Variants in LRRC53 observed in about 807,000 individuals in gnomAD.
LRRC53 encodes leucine-rich repeat-containing protein 53.
A neutral mutation model predicts 13.6 loss-of-function variants in LRRC53; 25 were observed. The ratio of observed to expected loss-of-function variants is 1.83; its 90% CI spans 1.34 to 2.56. LRRC53 has a LOEUF of 2.56. Ranked by LOEUF, LRRC53 falls within the 30% of genes most tolerant of loss-of-function variation. The pLI is 0.00. For missense variants in LRRC53, 527 were observed against 275.8 expected (o/e 1.91, Z -6.45); for synonymous variants, 204 against 109.8 (o/e 1.86, Z -5.37).
At chr1:74,493,587 A>G (rs973574026) in intron 1 of LRRC53, among the ~76,000 whole-genome samples, 4 of 152,204 alleles carry the variant, frequency 2.6e-5, no homozygotes, top group Non-Finnish European at 5.9e-5. Flanking sequence ...AACCCATCCC[A>G]GAATTCAGGG....
At chr1:74,515,518 T>C (rs1646336979), upstream of LRRC53, among the ~76,000 whole-genome samples, 1 of 152,212 alleles carries the variant, frequency 6.6e-6, no homozygotes, top group South Asian at 2.1e-4. Flanking sequence ...GTTTCTCTGA[T>C]GGTTGCTGTT....
At chr1:74,534,351 C>T in the LRRC53 span, among the ~76,000 whole-genome samples, 6 of 152,170 alleles carry the variant, frequency 3.9e-5, no homozygotes, top group African/African-American at 1.2e-4. Flanking sequence ...ACTGCATACC[C>T]ATCTGAAGTC....
rs3819944 is a variant in LRRC53, at chr1:74,492,012, A to G, written c.-26-8637T>C. 42,347 of 1,379,644 alleles carry G rather than the reference A, an allele frequency of 0.031. 4,215 individuals are homozygous for G. The African/African-American group carries it at 0.33, about 11-fold the overall frequency. 85.5% of individuals were successfully genotyped at this position (1,379,644 alleles called of 1,614,324 possible). A position where few individuals can be genotyped will look rare whatever the true frequency, so the allele number is the denominator to read the frequency against. On this transcript the variant is annotated intron_variant, in intron 1 of 4. Transcript: ENST00000294635. The stretch of plus-strand genomic sequence containing the variant: ...AAATTAAAATATGGGAAACCTTGGA[A>G]TAGAAAGTTAAATCCATATTTTATG...
chr1:74,503,435 T>G (rs1273273000), intron 1 of LRRC53, among the ~76,000 whole-genome samples: 1 of 152,258 alleles, frequency 6.6e-6, no homozygotes, highest in African/African-American at 2.4e-5. Flanking sequence ...ATTATATTAG[T>G]ATCTAACCCT....
At chr1:74,529,183 GAAAA>G in the LRRC53 span, among the ~76,000 whole-genome samples, 1 of 152,092 alleles carries the variant, frequency 6.6e-6, no homozygotes. Context: ...ATTACAAAGA[GAAAA>G]AGAGTAATTT....
At position 74,470,319 on chromosome 1, in the gene LRRC53, T is replaced by C. The variant is rs1366196893; in HGVS notation, c.3303A>G (p.Ser1101=). The part of the protein sequence containing the change: ...KTDSSMLTQI[S]QMTLKGITKE... ...TTGTGATGCCTTTTAAGGTCATTTG[T>C]GAGATCTGAGTTAACATACTAGAAT... The change falls in exon 5 of 5, where the codon TCA becomes TCG. Residue 1101 remains serine (S), a synonymous_variant. Coordinates refer to ENST00000294635, the MANE Select transcript of LRRC53 (RefSeq NM_001382280.1). 2.5e-6 allele frequency: 1 copy of C among 400,618 alleles called. No homozygotes were observed. Among genetic ancestry groups the C allele is most frequent in the African/African-American group, 2.1e-5 (1 of 48,720 alleles). The allele number at this position is 400,618 out of a possible 1,614,324, so 24.8% of individuals were successfully genotyped here. A position where few individuals can be genotyped will look rare whatever the true frequency, so the allele number is the denominator to read the frequency against.
intron 1 of LRRC53, among the ~76,000 whole-genome samples, chr1:74,502,727 C>A (rs1570710672): frequency 6.6e-6 from 1 of 152,300 alleles, no homozygotes; most frequent in East Asian, 1.9e-4. Context: ...CTGATAGTAG[C>A]CACTTTGCCT....
At chr1:74,493,680 G>A (rs553665284) in intron 1 of LRRC53, among the ~76,000 whole-genome samples, 18 of 152,210 alleles carry the variant, frequency 1.2e-4, no homozygotes, top group East Asian at 1.9e-4. Flanking sequence ...TACAGATTGC[G>A]TTCAGGTCTA....
Position 74,480,652 on chromosome 1 carries a change from C to T in LRRC53, c.405G>A (p.Arg135=), listed in dbSNP as rs1373011801. The T allele has an allele frequency of 1.4e-6, 1 of 717,272 alleles. No homozygotes were observed. The highest frequency in any genetic ancestry group is 2.7e-5 in the East Asian group (1 of 37,284). 44.4% of individuals were successfully genotyped at this position (717,272 alleles called of 1,614,324 possible). A position where few individuals can be genotyped will look rare whatever the true frequency, so the allele number is the denominator to read the frequency against. ...TAATCTGATTCCCATCCAGCTGGAG[C>T]CGGGTCAGGCCGCTTGTGTTTCGGA... ...SWFRNTSGLT[R]LQLDGNQITN... Residue 135 remains arginine (R), a synonymous_variant, in exon 3 of 5, where the codon CGG becomes CGA. Transcript: ENST00000294635.
Position 74,480,612 on chromosome 1 carries a change from T to TA in LRRC53, c.444_445insT (p.Ser149Ter). ...TGGAGATTCGTGCCTCCGAAAGAAC[T>TA]GTCTGTGAGATTAGTAATCTGATTC... On this transcript the variant is annotated frameshift_variant, in exon 3 of 5. Coordinates refer to ENST00000294635, the MANE Select transcript of LRRC53 (RefSeq NM_001382280.1). LOFTEE classifies it high-confidence loss of function. The TA allele has an allele frequency of 1.4e-6, 1 of 717,238 alleles. No individual in the cohort carries two copies. Among genetic ancestry groups the TA allele is most frequent in the East Asian group, 2.7e-5 (1 of 37,288 alleles). The allele number at this position is 717,238 out of a possible 1,614,324, so 44.4% of individuals were successfully genotyped here.
the LRRC53 span, among the ~76,000 whole-genome samples, chr1:74,530,290 C>G: frequency 2.0e-5 from 3 of 152,202 alleles, no homozygotes; most frequent in African/African-American, 7.2e-5. Context: ...TTGAGAATCA[C>G]TTCTAGAGCC....
chr1:74,510,743 G>A (rs1189212220), intron 1 of LRRC53, among the ~76,000 whole-genome samples: 1 of 152,170 alleles, frequency 6.6e-6, no homozygotes, highest in Admixed American at 6.5e-5. Context: ...GCATTGAAAA[G>A]TTCATGGAAT....
the LRRC53 span, among the ~76,000 whole-genome samples, chr1:74,533,447 C>A: frequency 6.6e-6 from 1 of 152,150 alleles, no homozygotes; most frequent in African/African-American, 2.4e-5. Flanking sequence ...AATAGGAACA[C>A]TTTTACACTG....
rs1358385423 is a variant in LRRC53, at chr1:74,473,193, A to T, written c.1421-992T>A. Among the ~76,000 whole-genome samples the T allele has an allele frequency of 4.6e-5, 7 of 152,262 alleles. No homozygotes were observed. In the East Asian group the frequency reaches 9.6e-4, roughly 21 times the overall value. On this transcript the variant is annotated intron_variant, in intron 4 of 4. Coordinates refer to ENST00000294635, the MANE Select transcript of LRRC53 (RefSeq NM_001382280.1). Reference sequence around the variant, plus strand: ...ACGTTCATCATCTCTTTTAATATTCACAAGAGACGTGATCCATTGGACAGA... The same window carrying T: ...ACGTTCATCATCTCTTTTAATATTCTCAAGAGACGTGATCCATTGGACAGA...
At chr1:74,501,954 C>G (rs1332490530) in intron 1 of LRRC53, among the ~76,000 whole-genome samples, 1 of 152,024 alleles carries the variant, frequency 6.6e-6, no homozygotes, top group Non-Finnish European at 1.5e-5. Context: ...CTCTGCATAT[C>G]TTTATGTAGA....
intron 1 of LRRC53, among the ~76,000 whole-genome samples, chr1:74,491,533 C>CTGTAAA (rs1669077443): frequency 6.6e-6 from 1 of 152,182 alleles, no homozygotes; most frequent in South Asian, 2.1e-4. Flanking sequence ...AGCCACCACA[C>CTGTAAA]CCAGCCAAGT....
intron 1 of LRRC53, among the ~76,000 whole-genome samples, chr1:74,485,854 T>A (rs1446164725): frequency 6.6e-6 from 1 of 152,080 alleles, no homozygotes; most frequent in Non-Finnish European, 1.5e-5. Flanking sequence ...CAGACATGTG[T>A]CATACAACCA....
At chr1:74,511,049 A>G (rs1444692729) in intron 1 of LRRC53, among the ~76,000 whole-genome samples, 3 of 151,026 alleles carry the variant, frequency 2.0e-5, no homozygotes, top group South Asian at 2.1e-4. Flanking sequence ...CACCATGCCC[A>G]GCTAATGTTT....
Position 74,500,721 on chromosome 1 carries a change from T to A in LRRC53, c.-27+11805A>T, listed in dbSNP as rs186720312. ...AAAAACACTTATCTTCCCTCTTTTT[T>A]AAGATATTTAGTAGATAGAGGATTT... On this transcript the variant is annotated intron_variant, in intron 1 of 4. Transcript: ENST00000294635. 6.0e-3 allele frequency among the ~76,000 whole-genome samples: 910 copies of A among 150,818 alleles called. 8 individuals are homozygous for A. Among genetic ancestry groups the A allele is most frequent in the African/African-American group, 0.021 (868 of 41,268 alleles).
Sources: allele counts gnomAD v4.1 joint callset (sites outside exome capture counted in the v4.1 genomes callset), GRCh38; gene constraint gnomAD v4.1.1; transcripts MANE v1.5; gene names NCBI Gene and HGNC (gene_info 2026-07-23, HGNC 2026-07-21).